GRK5: variants seen among roughly 807,000 people sequenced by gnomAD.
The protein encoded by GRK5 is G protein-coupled receptor kinase 5.
A neutral mutation model predicts 78.4 loss-of-function variants in GRK5; 40 were observed. The ratio of observed to expected loss-of-function variants is 0.51; its 90% CI spans 0.40 to 0.66. The LOEUF is 0.66. Ranked by LOEUF, GRK5 falls within the 30% of genes least tolerant of loss-of-function variation. The pLI is 0.00. For missense variants in GRK5, 598 were observed against 759.9 expected, an observed-to-expected ratio of 0.79 and a Z score of 2.50; for synonymous variants, 289 against 296.8, an observed-to-expected ratio of 0.97 and a Z score of 0.27.
At chr10:119,449,569 G>A (rs372828642) in intron 13 of GRK5, among the ~76,000 whole-genome samples, 7 of 152,296 alleles carry the variant, frequency 4.6e-5, no homozygotes, top group African/African-American at 1.7e-4. Context: ...GGAAGGCTGA[G>A]GCAGTCGGGT....
intron 1 of GRK5, among the ~76,000 whole-genome samples, chr10:119,223,660 G>A (rs1449464306): frequency 6.6e-6 from 1 of 151,146 alleles, no homozygotes; most frequent in East Asian, 1.9e-4. Flanking sequence ...CTTCTTCTAA[G>A]CAGCCTATCC....
chr10:119,322,799 C>T lies in GRK5; in HGVS notation c.53-3717C>T, dbSNP rs867253278. ...ACCATATAATCCAGCAATTTCCCTCCTGAGTATATACCCAAAAGAATGGAA... is the reference window on the plus strand; with the variant it reads ...ACCATATAATCCAGCAATTTCCCTCTTGAGTATATACCCAAAAGAATGGAA... On this transcript the variant is annotated intron_variant, in intron 1 of 15. Coordinates refer to ENST00000392870, the MANE Select transcript of GRK5 (RefSeq NM_005308.3). 2.6e-5 allele frequency among the ~76,000 whole-genome samples: 4 copies of T among 152,306 alleles called. No individual in the cohort carries two copies. The Middle Eastern group carries it at 0.01, about 389-fold the overall frequency.
intron 1 of GRK5, among the ~76,000 whole-genome samples, chr10:119,214,092 A>G (rs1208222687): frequency 6.6e-6 from 1 of 152,194 alleles, no homozygotes; most frequent in African/African-American, 2.4e-5. Context: ...CTCCTGCCTC[A>G]GCCTCCTGAG....
chr10:119,422,658 A>G (rs1852594077), intron 4 of GRK5, among the ~76,000 whole-genome samples: 1 of 152,156 alleles, frequency 6.6e-6, no homozygotes, highest in Non-Finnish European at 1.5e-5. Context: ...GCAGGTGTTC[A>G]TCTTCTCTTT....
At chr10:119,367,497 G>A (rs575381334) in intron 2 of GRK5, among the ~76,000 whole-genome samples, 27 of 152,316 alleles carry the variant, frequency 1.8e-4, no homozygotes, top group African/African-American at 2.4e-4. Flanking sequence ...AACCCACTGC[G>A]CCCTGTTCTT....
chr10:119,452,949 C>A lies in GRK5; in HGVS notation c.1542+141C>A. Reference sequence around the variant, plus strand: ...TCTCCATGAAGGCAGCACACAAAAGCTGTCAGTGGCCAAGTAGGGAGCTGT... The same window carrying A: ...TCTCCATGAAGGCAGCACACAAAAGATGTCAGTGGCCAAGTAGGGAGCTGT... On this transcript the variant is annotated intron_variant, in intron 14 of 15. Transcript: ENST00000392870. This position sits in a 1 kb window ranked among gnomAD's most constrained non-coding sequence, Gnocchi z 4.4. The A allele has an allele frequency of 9.1e-7, 1 of 1,094,708 alleles. No individual in the cohort carries two copies. The highest frequency in any genetic ancestry group is 1.4e-6 in the Non-Finnish European group (1 of 739,918). 67.8% of individuals were successfully genotyped at this position (1,094,708 alleles called of 1,614,324 possible).
intron 1 of GRK5, among the ~76,000 whole-genome samples, chr10:119,214,708 T>G (rs930242167): frequency 1.3e-5 from 2 of 152,068 alleles, no homozygotes; most frequent in Non-Finnish European, 2.9e-5. Context: ...TTTGTAGAGA[T>G]GGGGTTTCGC....
intron 10 of GRK5, among the ~76,000 whole-genome samples, 171 bp downstream of exon 10, chr10:119,439,939 C>T (rs957994074): frequency 7.2e-5 from 11 of 152,116 alleles, no homozygotes; most frequent in Non-Finnish European, 1.0e-4. Context: ...AACAGAGCTC[C>T]GCTTGGTGAA....
At chr10:119,289,905 A>T (rs1849919557) in intron 1 of GRK5, among the ~76,000 whole-genome samples, 1 of 152,230 alleles carries the variant, frequency 6.6e-6, no homozygotes, top group Non-Finnish European at 1.5e-5. Context: ...ACACTGTTTT[A>T]AATGTATAGT....
chr10:119,277,010 T>G (rs577176434), intron 1 of GRK5, among the ~76,000 whole-genome samples: 1 of 152,362 alleles, frequency 6.6e-6, no homozygotes, highest in East Asian at 1.9e-4. Flanking sequence ...ATCCATGCAT[T>G]GCCTTTGTGA....
intron 1 of GRK5, among the ~76,000 whole-genome samples, chr10:119,299,312 C>A (rs976557367): frequency 6.6e-6 from 1 of 151,772 alleles, no homozygotes; most frequent in Non-Finnish European, 1.5e-5. Context: ...GGCGGGGTGG[C>A]GGGCACCTGT....
At chr10:119,353,724 C>T (rs1472975571) in intron 2 of GRK5, among the ~76,000 whole-genome samples, 1 of 152,106 alleles carries the variant, frequency 6.6e-6, no homozygotes, top group Non-Finnish European at 1.5e-5. Context: ...CCCAGAGGTC[C>T]CAGACCAGCT....
At position 119,220,893 on chromosome 10, in the gene GRK5, C is replaced by T. The variant is rs546845025; in HGVS notation, c.52+12924C>T. ...TCCAGGCCAGAAGTGGTGGCTCATG[C>T]CTGTAATCCCAGCACTTTGGGAGGC... On this transcript the variant is annotated intron_variant, in intron 1 of 15. Coordinates refer to ENST00000392870, the MANE Select transcript of GRK5 (RefSeq NM_005308.3). Among the ~76,000 whole-genome samples, 3 of 151,128 alleles carry T rather than the reference C, an allele frequency of 2.0e-5. No individual in the cohort carries two copies. In the South Asian group the frequency reaches 6.3e-4, roughly 32 times the overall value.
chr10:119,336,426 C>T lies in GRK5; in HGVS notation c.148+9815C>T, dbSNP rs1254908452. On this transcript the variant is annotated intron_variant, in intron 2 of 15. Coordinates refer to ENST00000392870, the MANE Select transcript of GRK5 (RefSeq NM_005308.3). This position sits in a 1 kb window ranked among gnomAD's most constrained non-coding sequence, Gnocchi z 4.5. ...GCGTGAAGGTCAGAGGGGACACTGG[C>T]TTTATCTGTAAGATTGTTTTTTTTT... Among the ~76,000 whole-genome samples, 1 of 152,044 alleles carries T rather than the reference C, an allele frequency of 6.6e-6. No homozygotes were observed. Among genetic ancestry groups the T allele is most frequent in the Non-Finnish European group, 1.5e-5 (1 of 68,020 alleles).
intron 1 of GRK5, among the ~76,000 whole-genome samples, chr10:119,307,720 A>G (rs1283757929): frequency 6.6e-6 from 1 of 152,148 alleles, no homozygotes; most frequent in Non-Finnish European, 1.5e-5. Context: ...ATAACTTGTT[A>G]CTGAAGCAAG....
intron 1 of GRK5, among the ~76,000 whole-genome samples, chr10:119,225,715 G>T (rs1289116121): frequency 2.7e-5 from 4 of 150,180 alleles, no homozygotes; most frequent in African/African-American, 7.4e-5. Flanking sequence ...CTGTCACCCA[G>T]GCTGGAGTGC....
At chr10:119,254,024 G>C (rs953017034) in intron 1 of GRK5, among the ~76,000 whole-genome samples, 5 of 152,342 alleles carry the variant, frequency 3.3e-5, no homozygotes, top group African/African-American at 1.2e-4. Flanking sequence ...CAACAGGGCT[G>C]ATGTGTCTCC....
In GRK5 at chr10:119,452,065, C is replaced by T. The variant is rs930324433; in HGVS notation, c.1405-606C>T. ...ATCTCTGCCCTGGCATAGAGCAGGC[C>T]CCCAGTGCACAGCTGAGGGACGAGT... On this transcript the variant is annotated intron_variant, in intron 13 of 15. Coordinates refer to ENST00000392870, the MANE Select transcript of GRK5 (RefSeq NM_005308.3). The surrounding 1 kb of genome is among the most constrained non-coding windows in gnomAD (Gnocchi z 4.4). 2.0e-5 allele frequency among the ~76,000 whole-genome samples: 3 copies of T among 152,156 alleles called. No individual in the cohort carries two copies. The highest frequency in any genetic ancestry group is 6.5e-5 in the Admixed American group (1 of 15,268).
In GRK5 at chr10:119,458,497, A is replaced by C. The variant is rs1208863349; in HGVS notation, c.*3430A>C. On this transcript the variant is annotated 3_prime_UTR_variant, in exon 16 of 16. Transcript: ENST00000392870. Reference sequence around the variant, plus strand: ...TGCGCAGCCACGGGAGGCTTCCTGAAAGGCATTGCTCGGAGGGGCGGGGGC... The same window carrying C: ...TGCGCAGCCACGGGAGGCTTCCTGACAGGCATTGCTCGGAGGGGCGGGGGC... 6.6e-6 allele frequency: 1 copy of C among 152,176 alleles called. No individual in the cohort carries two copies. Among genetic ancestry groups the C allele is most frequent in the Non-Finnish European group, 1.5e-5 (1 of 68,054 alleles). The allele number at this position is 152,176 out of a possible 1,614,324, so 9.4% of individuals were successfully genotyped here.
Sources: gnomAD v4.1 joint callset for allele counts (sites outside exome capture counted in the v4.1 genomes callset) on GRCh38, gnomAD v4.1.1 for gene constraint, Gnocchi (gnomAD v3.1) non-coding constraint, MANE v1.5 for transcripts, NCBI Gene and HGNC (gene_info 2026-07-23, HGNC 2026-07-21) for gene names.